The following TMEM131 variants were observed in gnomAD, a reference collection of about 807,000 sequenced individuals.
TMEM131 encodes the protein 2610524E03Rik.
TMEM131 carries 66 observed loss-of-function variants against 211.6 expected under a neutral mutation model. The observed-to-expected ratio is 0.31, with a 90% CI of 0.26 to 0.38. The LOEUF is 0.38. Among genes scored for constraint, TMEM131 ranks in the 10% least tolerant of loss-of-function variants. The probability of loss-of-function intolerance (pLI) is 1.00; values close to 1 mark genes in which losing one functional copy is unlikely to be tolerated. For synonymous variants in TMEM131, 844 were observed against 841.3 expected (o/e 1.00, Z -0.06); for missense variants, 2,036 against 2,299.3 (o/e 0.89, Z 2.34).
intron 1 of TMEM131, among the ~76,000 whole-genome samples, chr2:97,956,274 T>C (rs1395155652): frequency 1.3e-5 from 2 of 152,208 alleles, no homozygotes; most frequent in Non-Finnish European, 2.9e-5. Context: ...TTTCAATAAA[T>C]GGTGCTAGAG....
intron 4 of TMEM131, among the ~76,000 whole-genome samples, chr2:97,862,615 TA>T (rs1405069885): frequency 2.0e-5 from 3 of 152,034 alleles, no homozygotes; most frequent in African/African-American, 7.3e-5. Flanking sequence ...CAGAGTTTCT[TA>T]ATAGCAGAAT....
intron 25 of TMEM131, among the ~76,000 whole-genome samples, chr2:97,800,576 C>CCCGG (rs1400865447): frequency 7.8e-6 from 1 of 127,656 alleles, no homozygotes; most frequent in Non-Finnish European, 1.6e-5. Flanking sequence ...ATGGTGAAAC[C>CCCGG]CCGGCTCTAC....
intron 1 of TMEM131, among the ~76,000 whole-genome samples, chr2:97,994,834 C>G (rs972355865): frequency 6.6e-6 from 1 of 152,202 alleles, no homozygotes; most frequent in African/African-American, 2.4e-5. Context: ...TGCTTGCAAG[C>G]TGGCAACTTC....
chr2:97,868,092 T>A (rs1171490653), intron 4 of TMEM131, among the ~76,000 whole-genome samples: 2 of 152,340 alleles, frequency 1.3e-5, no homozygotes, highest in South Asian at 4.1e-4. Flanking sequence ...GGAAGCTCCA[T>A]TGTTAGATGC....
At chr2:97,922,235 C>A (rs773648600) in intron 2 of TMEM131, among the ~76,000 whole-genome samples, 25 of 152,168 alleles carry the variant, frequency 1.6e-4, no homozygotes, top group Non-Finnish European at 5.9e-5. Flanking sequence ...ACTGATCTGA[C>A]AGGAGGCTGA....
chr2:97,779,355 C>CA (rs1679885632), intron 31 of TMEM131, among the ~76,000 whole-genome samples: 1 of 152,244 alleles, frequency 6.6e-6, no homozygotes, highest in African/African-American at 2.4e-5. Context: ...GGATGGCCGA[C>CA]GTCTAGCTGC....
At chr2:97,867,889 A>T (rs1230771245) in intron 4 of TMEM131, among the ~76,000 whole-genome samples, 1 of 152,210 alleles carries the variant, frequency 6.6e-6, no homozygotes, top group African/African-American at 2.4e-5. Flanking sequence ...GTTGTAGCCC[A>T]AATGCCAGAG....
chr2:97,879,226 G>C (rs919545662), intron 4 of TMEM131, among the ~76,000 whole-genome samples: 1 of 152,200 alleles, frequency 6.6e-6, no homozygotes, highest in African/African-American at 2.4e-5. Flanking sequence ...CTGCTGTAGG[G>C]AAAGGATACC....
intron 3 of TMEM131, among the ~76,000 whole-genome samples, chr2:97,900,483 T>C (rs910886571): frequency 6.6e-6 from 1 of 152,028 alleles, no homozygotes; most frequent in African/African-American, 2.4e-5. Context: ...ATCCATGTTG[T>C]CATAAATGAC....
chr2:97,839,820 C>T lies in TMEM131; in HGVS notation c.723+1995G>A, dbSNP rs1032392713. Among the ~76,000 whole-genome samples the T allele has an allele frequency of 4.6e-5, 7 of 152,178 alleles. No individual in the cohort carries two copies. The South Asian group carries it at 8.3e-4, about 18-fold the overall frequency. On this transcript the variant is annotated intron_variant, in intron 7 of 40. Transcript: ENST00000186436. ...GAGCTCAACAGTCACACGTAGCTAG[C>T]GGCTACTGTTTTGGACAAAGCAGGA...
intron 33 of TMEM131, among the ~76,000 whole-genome samples, chr2:97,771,473 T>G (rs1679459541): frequency 6.6e-6 from 1 of 152,208 alleles, no homozygotes. Context: ...CCCACACTTA[T>G]GATGACAGAC....
rs184177978 is a variant in TMEM131 at position 97,839,656 on chromosome 2, T to C, written c.723+2159A>G. 9.8e-4 allele frequency among the ~76,000 whole-genome samples: 150 copies of C among 152,350 alleles called. No individual in the cohort carries two copies. The East Asian group carries it at 0.016, about 16-fold the overall frequency. ...CAAGAGAAAGGTCTAGAATGATACA[T>C]ACAAGGTGGCAAAAGTGGTGTCCAC... On this transcript the variant is annotated intron_variant, in intron 7 of 40. Coordinates refer to ENST00000186436, the MANE Select transcript of TMEM131 (RefSeq NM_015348.2).
At chr2:97,760,560 G>T (rs766361249) in intron 38 of TMEM131, 33 bp downstream of exon 38, 2 of 1,579,432 alleles carry the variant, frequency 1.3e-6, no homozygotes, top group East Asian at 2.3e-5. Context: ...GAAGCCTTCC[G>T]TCTTTCTAGC....
chr2:97,837,205 A>G, intron 7 of TMEM131, 48 bp from the exon 8 acceptor site: 1 of 1,396,740 alleles, frequency 7.2e-7, no homozygotes, highest in Non-Finnish European at 9.8e-7. Flanking sequence ...CATATTCTCA[A>G]AGCAGGTGAC....
At chr2:97,818,461 A>G (rs1559378927) in intron 12 of TMEM131, among the ~76,000 whole-genome samples, 152 bp downstream of exon 12, 2 of 3,878 alleles carry the variant, frequency 5.2e-4, no homozygotes, top group Admixed American at 2.6e-3. Flanking sequence ...GATGGTTTAC[A>G]GCGGGGGGGG....
intron 1 of TMEM131, among the ~76,000 whole-genome samples, chr2:97,941,104 T>A (rs1321886798): frequency 6.6e-6 from 1 of 152,186 alleles, no homozygotes; most frequent in Non-Finnish European, 1.5e-5. Flanking sequence ...CAAAACAGCA[T>A]GGTACTGGTA....
In TMEM131 at chr2:97,924,924, G is replaced by A. The variant is rs564963625; in HGVS notation, c.249+2502C>T. On this transcript the variant is annotated intron_variant, in intron 2 of 40. Transcript: ENST00000186436. The stretch of plus-strand genomic sequence containing the variant: ...ATACAGGATCTCACTCTGCTGCCCA[G>A]GCTGGAGTACAGTGGCACAATCACA... Among the ~76,000 whole-genome samples, 4 of 152,278 alleles carry A rather than the reference G, an allele frequency of 2.6e-5. No individual in the cohort carries two copies. The South Asian group carries it at 8.3e-4, about 32-fold the overall frequency.
chr2:97,846,121 T>A (rs1683417533), intron 5 of TMEM131, among the ~76,000 whole-genome samples: 1 of 152,222 alleles, frequency 6.6e-6, no homozygotes, highest in Admixed American at 6.5e-5. Context: ...ATTTCACTCG[T>A]GGAAAAGAAT....
chr2:97,832,850 G>A (rs1037860830), intron 11 of TMEM131, among the ~76,000 whole-genome samples: 5 of 152,150 alleles, frequency 3.3e-5, no homozygotes, highest in Non-Finnish European at 4.4e-5. Flanking sequence ...GTGTGAGGGA[G>A]AGAGGGCCTT....
Sources: gnomAD v4.1 joint callset for allele counts (sites outside exome capture counted in the v4.1 genomes callset) on GRCh38, gnomAD v4.1.1 for gene constraint, MANE v1.5 for transcripts, NCBI Gene and HGNC (gene_info 2026-07-23, HGNC 2026-07-21) for gene names.